KATNA1: variants seen among roughly 807,000 people sequenced by gnomAD.
KATNA1 encodes katanin p60 ATPase-containing subunit A1.
A neutral mutation model predicts 62.6 loss-of-function variants in KATNA1; 42 were observed. The ratio of observed to expected loss-of-function variants is 0.67; its 90% CI spans 0.52 to 0.87. The LOEUF (loss-of-function observed/expected upper bound fraction) is 0.87. Ranked by LOEUF, KATNA1 falls within the 40% of genes least tolerant of loss-of-function variation. KATNA1 has a pLI of 0.00. For missense variants in KATNA1, 498 were observed against 612.5 expected, an observed-to-expected ratio of 0.81 and a Z score of 1.97; for synonymous variants, 186 against 201.9, an observed-to-expected ratio of 0.92 and a Z score of 0.67.
At chr6:149,602,996 C>T (rs933542984) in intron 6 of KATNA1, among the ~76,000 whole-genome samples, 1 of 152,208 alleles carries the variant, frequency 6.6e-6, no homozygotes, top group Admixed American at 6.5e-5. Flanking sequence ...GCTGGGATTA[C>T]AGGCGTGAGC....
chr6:149,625,107 C>T (rs1337758709), intron 3 of KATNA1, among the ~76,000 whole-genome samples: 7 of 151,974 alleles, frequency 4.6e-5, no homozygotes, highest in East Asian at 3.9e-4. Flanking sequence ...AGAAATGGTT[C>T]GGTCCATAGA....
At chr6:149,607,924 G>A (rs1187488525) in intron 4 of KATNA1, among the ~76,000 whole-genome samples, 1 of 152,040 alleles carries the variant, frequency 6.6e-6, no homozygotes, top group Non-Finnish European at 1.5e-5. Flanking sequence ...AAATTAGCCA[G>A]GTGTGATGGT....
Position 149,640,881 on chromosome 6 carries a change from T to C in KATNA1, c.-13-2321A>G, listed in dbSNP as rs530670745. 1.1e-4 allele frequency among the ~76,000 whole-genome samples: 16 copies of C among 150,666 alleles called. No homozygotes were observed. In the South Asian group the frequency reaches 3.0e-3, roughly 28 times the overall value. On this transcript the variant is annotated intron_variant, in intron 1 of 10. Coordinates refer to ENST00000367411, the MANE Select transcript of KATNA1 (RefSeq NM_007044.4). ...TTTGTTGTTGTTGTTTTTGTTTTTGTTTTTTTGAGACGGAGTTTTGCTCTT... is the reference window on the plus strand; with the variant it reads ...TTTGTTGTTGTTGTTTTTGTTTTTGCTTTTTTGAGACGGAGTTTTGCTCTT...
chr6:149,597,406 T>G, intron 9 of KATNA1, 101 bp downstream of exon 9: 3 of 1,385,726 alleles, frequency 2.2e-6, no homozygotes, highest in South Asian at 2.6e-5. Context: ...ATACTCCTCA[T>G]GTATCTCTTC....
intron 6 of KATNA1, among the ~76,000 whole-genome samples, chr6:149,602,575 CA>C (rs1778587721): frequency 6.6e-6 from 1 of 151,970 alleles, no homozygotes. Context: ...TTATCACATG[CA>C]GATATTTCTC....
chr6:149,630,962 T>C (rs1013937970), intron 3 of KATNA1, among the ~76,000 whole-genome samples: 13 of 152,234 alleles, frequency 8.5e-5, no homozygotes, highest in African/African-American at 3.1e-4. Context: ...GGGGAAAAGT[T>C]ACCCAACCTT....
At chr6:149,597,671 AG>A in intron 8 of KATNA1, 30 bp from the exon 9 acceptor site, 1 of 1,598,492 alleles carries the variant, frequency 6.3e-7, no homozygotes, top group Non-Finnish European at 8.5e-7. Flanking sequence ...AGAGTGAAAA[AG>A]ATATTAAGTT....
chr6:149,597,681 T>C (rs758059854), intron 8 of KATNA1, 40 bp from the exon 9 acceptor site: 46 of 1,585,664 alleles, frequency 2.9e-5, no homozygotes, highest in Non-Finnish European at 3.9e-5. Context: ...AGATATTAAG[T>C]TGGATTATAC....
Position 149,638,367 on chromosome 6 carries a change from C to T in KATNA1, c.162+19G>A, listed in dbSNP as rs1780146405. 3.7e-6 allele frequency: 6 copies of T among 1,606,638 alleles called. No individual in the cohort carries two copies. Among genetic ancestry groups the T allele is most frequent in the Non-Finnish European group, 4.2e-6 (5 of 1,176,504 alleles). On this transcript the variant is annotated intron_variant, in intron 2 of 10. Transcript: ENST00000367411. ...CGAGTACTTAAGCCATTAAAACATA[C>T]AGCAGCCATTACTCTCACCTGTTGC...
chr6:149,594,942 A>G lies in KATNA1; in HGVS notation c.*94T>C. 1.1e-6 allele frequency: 1 copy of G among 949,338 alleles called. No homozygotes were observed. Among genetic ancestry groups the G allele is most frequent in the Non-Finnish European group, 1.6e-6 (1 of 645,118 alleles). The allele number at this position is 949,338 out of a possible 1,614,324, so 58.8% of individuals were successfully genotyped here. A position where few individuals can be genotyped will look rare whatever the true frequency, so the allele number is the denominator to read the frequency against. On this transcript the variant is annotated 3_prime_UTR_variant, in exon 11 of 11. Coordinates refer to ENST00000367411, the MANE Select transcript of KATNA1 (RefSeq NM_007044.4). ...TTTTTAAAAAAATCTTACCATTATG[A>G]AAGTTAAAAAAAATATAGCACTCAG...
intron 2 of KATNA1, among the ~76,000 whole-genome samples, chr6:149,633,398 C>T (rs957714681): frequency 6.6e-5 from 10 of 152,152 alleles, no homozygotes; most frequent in South Asian, 6.2e-4. Context: ...TGAGCCACTG[C>T]GCTCGGCCCT....
intron 4 of KATNA1, among the ~76,000 whole-genome samples, chr6:149,621,789 G>C (rs1239829185): frequency 6.6e-6 from 1 of 150,742 alleles, no homozygotes; most frequent in Admixed American, 6.6e-5. Flanking sequence ...CACCATGCCC[G>C]GCCAAAAAAA....
At chr6:149,597,888 C>A (rs1375767922) in intron 8 of KATNA1, among the ~76,000 whole-genome samples, 1 of 152,132 alleles carries the variant, frequency 6.6e-6, no homozygotes, top group Non-Finnish European at 1.5e-5. Flanking sequence ...AAATACATAA[C>A]AATTTTAAAT....
chr6:149,643,981 C>T (rs1489889740), intron 1 of KATNA1, among the ~76,000 whole-genome samples: 1 of 152,130 alleles, frequency 6.6e-6, no homozygotes, highest in Middle Eastern at 3.4e-3. Context: ...AGCCACCATG[C>T]CTGGCCAGGT....
chr6:149,621,731 G>A (rs922873394), intron 4 of KATNA1, among the ~76,000 whole-genome samples: 1 of 150,902 alleles, frequency 6.6e-6, no homozygotes. Flanking sequence ...GGCCTCAAGT[G>A]ATTCACCCGC....
intron 3 of KATNA1, among the ~76,000 whole-genome samples, chr6:149,630,131 A>T (rs1779773269): frequency 6.6e-6 from 1 of 152,200 alleles, no homozygotes; most frequent in South Asian, 2.1e-4. Flanking sequence ...TAGGATGACT[A>T]TGTGATTTTC....
chr6:149,627,914 T>C (rs1042695156), intron 3 of KATNA1, among the ~76,000 whole-genome samples: 3 of 151,836 alleles, frequency 2.0e-5, no homozygotes, highest in Non-Finnish European at 4.4e-5. Context: ...TGTAAGAACT[T>C]AGGTTCCAGA....
chr6:149,645,886 T>C (rs75273791), intron 1 of KATNA1, among the ~76,000 whole-genome samples: 1 of 152,076 alleles, frequency 6.6e-6, no homozygotes, highest in African/African-American at 2.4e-5. Flanking sequence ...TTTTTTTTTT[T>C]CTCCTCTAGG....
chr6:149,603,493 G>C, intron 5 of KATNA1, 120 bp from the exon 6 acceptor site: 1 of 537,286 alleles, frequency 1.9e-6, no homozygotes, highest in Non-Finnish European at 3.3e-6. Context: ...GCCTCTCTCT[G>C]AGCCCGGGTG....
Sources: allele counts gnomAD v4.1 joint callset (sites outside exome capture counted in the v4.1 genomes callset), GRCh38; gene constraint gnomAD v4.1.1; transcripts MANE v1.5; gene names NCBI Gene and HGNC (gene_info 2026-07-23, HGNC 2026-07-21).